Variants in ST3GAL3 observed in about 807,000 individuals in gnomAD.
The protein encoded by ST3GAL3 is CMP-N-acetylneuraminate-beta-1,4-galactoside alpha-2,3-sialyltransferase.
A neutral mutation model predicts 50.1 loss-of-function variants in ST3GAL3; 21 were observed. That is an observed-to-expected ratio of 0.42 (90% CI 0.30 to 0.60). ST3GAL3 has a LOEUF of 0.60. ST3GAL3 is among the 20% of genes least tolerant of loss of function. ST3GAL3 has a pLI of 0.19. For missense variants in ST3GAL3, 353 were observed against 489.4 expected (o/e 0.72, Z 2.63); for synonymous variants, 183 against 190.0 (o/e 0.96, Z 0.30).
In ST3GAL3 at chr1:43,808,321, A is replaced by T. The variant is rs935432255; in HGVS notation, c.167-6570A>T. On this transcript the variant is annotated intron_variant, in intron 3 of 11. Coordinates refer to ENST00000347631, the MANE Select transcript of ST3GAL3 (RefSeq NM_006279.5). ...TCCATCTCAAAAAAAAAAAAAAAAA[A>T]GTGGAGCTCAGGAGAGAAGGCTGAG... 2.2e-5 allele frequency among the ~76,000 whole-genome samples: 3 copies of T among 135,746 alleles called. No homozygotes were observed. The East Asian group carries it at 6.7e-4, about 30-fold the overall frequency. The allele number at this position is 135,746 out of a possible 152,430, so 89.1% of individuals were successfully genotyped here. A position where few individuals can be genotyped will look rare whatever the true frequency, so the allele number is the denominator to read the frequency against.
At chr1:43,740,190 C>T (rs1340863980) in intron 2 of ST3GAL3, among the ~76,000 whole-genome samples, 6 of 151,930 alleles carry the variant, frequency 3.9e-5, no homozygotes, top group South Asian at 2.1e-4. Context: ...GGTGAAACCC[C>T]GTCTCTATTA....
At chr1:43,792,001 A>G (rs1011019128) in intron 2 of ST3GAL3, 101 bp from the exon 3 acceptor site, 2 of 1,398,138 alleles carry the variant, frequency 1.4e-6, no homozygotes, top group South Asian at 2.3e-5. Flanking sequence ...GTTCCCTTCC[A>G]GTTGACTCTG....
intron 3 of ST3GAL3, among the ~76,000 whole-genome samples, chr1:43,809,254 G>A (rs917915799): frequency 6.6e-5 from 10 of 152,040 alleles, no homozygotes; most frequent in African/African-American, 2.2e-4. Context: ...AGAATATTAA[G>A]GAAAGGCACG....
At chr1:43,846,947 TCAA>T (rs896756897) in intron 5 of ST3GAL3, among the ~76,000 whole-genome samples, 3 of 152,178 alleles carry the variant, frequency 2.0e-5, no homozygotes, top group African/African-American at 7.2e-5. Context: ...CTTCTAATAC[TCAA>T]CAACAAGAAA....
At chr1:43,730,456 A>G (rs1675126949) in intron 1 of ST3GAL3, among the ~76,000 whole-genome samples, 1 of 152,004 alleles carries the variant, frequency 6.6e-6, no homozygotes, top group African/African-American at 2.4e-5. Flanking sequence ...TACAACTTAA[A>G]TTTTTAGTTG....
rs1414168550 is a variant in ST3GAL3 at position 43,927,546 on chromosome 1, C to T, written c.1039-2586C>T. On this transcript the variant is annotated intron_variant, in intron 11 of 11. Coordinates refer to ENST00000347631, the MANE Select transcript of ST3GAL3 (RefSeq NM_006279.5). ...TACTTCTCCAGAGGAGTGATGAGGA[C>T]GAGGGATAAGTAAAGAGGCAAACGA... 3.9e-5 allele frequency among the ~76,000 whole-genome samples: 6 copies of T among 152,096 alleles called. No homozygotes were observed. The East Asian group carries it at 9.6e-4, about 24-fold the overall frequency.
intron 4 of ST3GAL3, among the ~76,000 whole-genome samples, chr1:43,835,343 A>C (rs529917996): frequency 2.4e-4 from 36 of 150,000 alleles, no homozygotes; most frequent in Admixed American, 7.9e-4. Flanking sequence ...AATCCCCAAC[A>C]CTCCCCCTAT....
intron 5 of ST3GAL3, among the ~76,000 whole-genome samples, chr1:43,845,612 A>G (rs2066123060): frequency 6.6e-6 from 1 of 151,568 alleles, no homozygotes; most frequent in Admixed American, 6.6e-5. Flanking sequence ...GTTCTTGTCT[A>G]TTGATATTTT....
chr1:43,792,196 C>T lies in ST3GAL3; in HGVS notation c.166+47C>T, dbSNP rs775931956. 2.5e-6 allele frequency: 4 copies of T among 1,611,266 alleles called. No individual in the cohort carries two copies. The African/African-American group carries it at 4.0e-5, about 16-fold the overall frequency. ...TCATCTTTTTGGCCTTCAATATTAG[C>T]CATATTTTTTGTGAAGCCTAATCAA... On this transcript the variant is annotated intron_variant, in intron 3 of 11. Transcript: ENST00000347631.
chr1:43,836,830 G>A (rs2064408917), intron 4 of ST3GAL3, among the ~76,000 whole-genome samples: 1 of 152,194 alleles, frequency 6.6e-6, no homozygotes, highest in African/African-American at 2.4e-5. Flanking sequence ...TTGGTGGCAG[G>A]GCAGTGACTC....
At chr1:43,921,911 G>GGACA (rs1332323135) in intron 11 of ST3GAL3, 3 of 397,334 alleles carry the variant, frequency 7.6e-6, no homozygotes, top group Non-Finnish European at 1.3e-5. Flanking sequence ...CAATTCCAGT[G>GGACA]GACACAACGT....
chr1:43,803,919 T>G (rs1352324018), intron 3 of ST3GAL3, among the ~76,000 whole-genome samples: 1 of 152,236 alleles, frequency 6.6e-6, no homozygotes, highest in African/African-American at 2.4e-5. Flanking sequence ...TTTGTAATCC[T>G]GGGCTTTCCA....
intron 4 of ST3GAL3, among the ~76,000 whole-genome samples, chr1:43,823,292 CT>C (rs2062344013): frequency 6.6e-6 from 1 of 152,202 alleles, no homozygotes; most frequent in South Asian, 2.1e-4. Flanking sequence ...CTTTATAGTG[CT>C]CATCAAGGCC....
At chr1:43,740,884 GAGAC>G (rs1309602906) in intron 2 of ST3GAL3, among the ~76,000 whole-genome samples, 3 of 150,522 alleles carry the variant, frequency 2.0e-5, no homozygotes, top group Admixed American at 6.6e-5. Context: ...GGGAGAGAGA[GAGAC>G]AGAGAAAGGG....
intron 1 of ST3GAL3, among the ~76,000 whole-genome samples, chr1:43,722,078 A>C (rs1670764082): frequency 6.6e-6 from 1 of 152,268 alleles, no homozygotes; most frequent in South Asian, 2.1e-4. Context: ...ATAAGTGCAC[A>C]ATGTAATGGG....
intron 3 of ST3GAL3, among the ~76,000 whole-genome samples, chr1:43,810,055 G>A (rs1449008790): frequency 6.6e-6 from 1 of 151,604 alleles, no homozygotes; most frequent in Non-Finnish European, 1.5e-5. Context: ...ACATTACTGG[G>A]GAAAAAAAAT....
intron 2 of ST3GAL3, among the ~76,000 whole-genome samples, chr1:43,780,092 A>G (rs1319834796): frequency 3.3e-5 from 5 of 152,092 alleles, no homozygotes; most frequent in Non-Finnish European, 5.9e-5. Flanking sequence ...AATGGAACAC[A>G]TCTTGTACTG....
At chr1:43,917,097 C>A (rs1221928379) in intron 9 of ST3GAL3, 1 of 151,862 alleles carries the variant, frequency 6.6e-6, no homozygotes, top group African/African-American at 2.4e-5. Context: ...AGGTCTTTGA[C>A]ACATAGATTG....
intron 5 of ST3GAL3, among the ~76,000 whole-genome samples, chr1:43,847,208 A>G (rs539261627): frequency 6.6e-6 from 1 of 152,352 alleles, no homozygotes; most frequent in South Asian, 2.1e-4. Flanking sequence ...GTGGGAATGT[A>G]AAATGTACAA....
Sources: gnomAD v4.1 joint callset for allele counts (sites outside exome capture counted in the v4.1 genomes callset) on GRCh38, gnomAD v4.1.1 for gene constraint, MANE v1.5 for transcripts, NCBI Gene and HGNC (gene_info 2026-07-23, HGNC 2026-07-21) for gene names.